WDR41: variants seen among roughly 807,000 people sequenced by gnomAD.
WDR41 encodes WD repeat-containing protein 41.
In WDR41, 63 loss-of-function variants were observed where a neutral mutation model predicts 69.3. That is an observed-to-expected ratio of 0.91 (90% confidence interval 0.74 to 1.12). WDR41 has a LOEUF of 1.12. WDR41 is among the 50% of genes most tolerant of loss of function. The probability of loss-of-function intolerance (pLI) is 0.00; values close to 1 mark genes in which losing one functional copy is unlikely to be tolerated. For synonymous variants in WDR41, 185 were observed against 192.1 expected (o/e 0.96, Z 0.31); for missense variants, 543 against 534.5 (o/e 1.02, Z -0.16).
intron 1 of WDR41, among the ~76,000 whole-genome samples, chr5:77,504,046 T>TA (rs1802066141): frequency 6.7e-6 from 1 of 148,736 alleles, no homozygotes; most frequent in African/African-American, 2.5e-5. Context: ...CTGAAGGAGA[T>TA]AGAGACACGA....
At chr5:77,570,142 A>G (rs545814176) in intron 1 of WDR41, among the ~76,000 whole-genome samples, 1 of 152,120 alleles carries the variant, frequency 6.6e-6, no homozygotes, top group African/African-American at 2.4e-5. Flanking sequence ...TCTCCAACAC[A>G]GCTATTTGAT....
chr5:77,491,114 T>C, intron 1 of WDR41: 1 of 376,450 alleles, frequency 2.7e-6, no homozygotes, highest in Non-Finnish European at 5.4e-6. Context: ...GAAGTGAAAA[T>C]GCCCTGCCCC....
At chr5:77,529,745 T>C (rs976933607) in intron 1 of WDR41, among the ~76,000 whole-genome samples, 21 of 151,450 alleles carry the variant, frequency 1.4e-4, no homozygotes, top group Admixed American at 1.4e-3. Context: ...TTATGAAAAA[T>C]AGCAGCTCAT....
intron 1 of WDR41, among the ~76,000 whole-genome samples, chr5:77,516,823 C>G (rs2112183157): frequency 6.6e-6 from 1 of 152,118 alleles, no homozygotes; most frequent in East Asian, 1.9e-4. Context: ...TTGAGACCAT[C>G]CTGATTAACA....
Position 77,512,355 on chromosome 5 carries a change from A to AGAGAGAGAGAGAGAGAGAGAGT in WDR41, c.43-22784_43-22783insACTCTCTCTCTCTCTCTCTCTC, listed in dbSNP as rs1335024335. On this transcript the variant is annotated intron_variant, in intron 1 of 5. Coordinates refer to the WDR41 transcript ENST00000509971. Reference sequence around the variant, plus strand: ...GTGAGAGAGAGAGAGAGAGAGAGTGAGTGTGTGTGTGTGTGTGTGTGTGTG... The same window carrying AGAGAGAGAGAGAGAGAGAGAGT: ...GTGAGAGAGAGAGAGAGAGAGAGTGAGAGAGAGAGAGAGAGAGAGAGTGTGTGTGTGTGTGTGTGTGTGTGTG... 7.9e-3 allele frequency among the ~76,000 whole-genome samples: 946 copies of AGAGAGAGAGAGAGAGAGAGAGT among 119,250 alleles called. 4 individuals are homozygous for AGAGAGAGAGAGAGAGAGAGAGT. Among genetic ancestry groups the AGAGAGAGAGAGAGAGAGAGAGT allele is most frequent in the Middle Eastern group, 0.033 (7 of 212 alleles). 78.2% of individuals were successfully genotyped at this position (119,250 alleles called of 152,430 possible).
At chr5:77,437,509 C>T in intron 10 of WDR41, 85 bp from the exon 11 acceptor site, 2 of 1,133,218 alleles carry the variant, frequency 1.8e-6, no homozygotes, top group Non-Finnish European at 2.7e-6. Flanking sequence ...ATCAGTGGAG[C>T]CCTCAACTGC....
At chr5:77,608,576 G>A (rs150343045) in intron 1 of WDR41, among the ~76,000 whole-genome samples, 60 of 152,328 alleles carry the variant, frequency 3.9e-4, no homozygotes, top group African/African-American at 1.4e-3. Flanking sequence ...TCATTAGATA[G>A]TGCATATACA....
At chr5:77,610,045 G>T (rs1203935378) in intron 1 of WDR41, among the ~76,000 whole-genome samples, 2 of 152,182 alleles carry the variant, frequency 1.3e-5, no homozygotes, top group East Asian at 1.9e-4. Context: ...TCAACTGGAA[G>T]AAAGGGTATC....
At chr5:77,541,432 T>C (rs1743086619) in intron 1 of WDR41, among the ~76,000 whole-genome samples, 1 of 151,484 alleles carries the variant, frequency 6.6e-6, no homozygotes, top group Non-Finnish European at 1.5e-5. Context: ...TAATGGCTAT[T>C]ATTAAAAAGT....
intron 1 of WDR41, among the ~76,000 whole-genome samples, chr5:77,606,726 C>T (rs1207755776): frequency 2.0e-5 from 3 of 151,830 alleles, no homozygotes; most frequent in African/African-American, 7.3e-5. Flanking sequence ...TCACTTGAGA[C>T]CAGGAGTTTG....
intron 2 of WDR41, among the ~76,000 whole-genome samples, chr5:77,469,340 A>G (rs144563406): frequency 1.2e-3 from 189 of 152,284 alleles, no homozygotes; most frequent in African/African-American, 4.4e-3. Flanking sequence ...ATGTATACAT[A>G]TGTAACAAAC....
intron 1 of WDR41, among the ~76,000 whole-genome samples, chr5:77,608,958 G>A (rs542152912): frequency 4.6e-4 from 70 of 152,334 alleles, no homozygotes; most frequent in East Asian, 9.6e-4. Flanking sequence ...CCCGAATACT[G>A]CGCTTTTCCG....
chr5:77,456,467 A>G (rs576295019), intron 5 of WDR41, among the ~76,000 whole-genome samples: 2 of 152,324 alleles, frequency 1.3e-5, no homozygotes, highest in African/African-American at 2.4e-5. Context: ...ACTAGCCTCA[A>G]TAGTTTGGTT....
At chr5:77,561,283 T>G (rs1371112476) in intron 1 of WDR41, among the ~76,000 whole-genome samples, 1 of 152,166 alleles carries the variant, frequency 6.6e-6, no homozygotes, top group African/African-American at 2.4e-5. Flanking sequence ...TTTTTGCATA[T>G]AAGTTTTTCA....
chr5:77,596,692 C>G lies in WDR41; in HGVS notation c.42+23787G>C, dbSNP rs1444036136. On this transcript the variant is annotated intron_variant, in intron 1 of 5. Transcript: ENST00000509971. The stretch of plus-strand genomic sequence containing the variant: ...ACTGCCAGCAGAAATACAACAACAA[C>G]TAGCACAGTTTTGTGCCATATGTAT... 2.0e-5 allele frequency among the ~76,000 whole-genome samples: 3 copies of G among 152,134 alleles called. No homozygotes were observed. In the East Asian group the frequency reaches 5.8e-4, roughly 29 times the overall value.
At chr5:77,453,071 T>G (rs1172744115) in intron 6 of WDR41, among the ~76,000 whole-genome samples, 1 of 152,198 alleles carries the variant, frequency 6.6e-6, no homozygotes, top group Non-Finnish European at 1.5e-5. Flanking sequence ...TTAGTTTTCC[T>G]AAGTCATTAT....
chr5:77,497,791 G>A (rs1801956822), intron 1 of WDR41, among the ~76,000 whole-genome samples: 1 of 152,096 alleles, frequency 6.6e-6, no homozygotes, highest in African/African-American at 2.4e-5. Flanking sequence ...AGATATTTGG[G>A]CCAATGTTGA....
At chr5:77,438,829 G>A (rs1267611641) in intron 9 of WDR41, among the ~76,000 whole-genome samples, 3 of 151,980 alleles carry the variant, frequency 2.0e-5, no homozygotes, top group Admixed American at 6.6e-5. Flanking sequence ...AAAAAAGCAC[G>A]GCTACAGTGG....
At chr5:77,499,627 T>TGCCATTACGA (rs1180238737) in intron 1 of WDR41, 3 of 151,734 alleles carry the variant, frequency 2.0e-5, no homozygotes, top group African/African-American at 7.3e-5. Flanking sequence ...GCACCAGAGG[T>TGCCATTACGA]GGAGCAATTA....
Sources: allele counts gnomAD v4.1 joint callset (sites outside exome capture counted in the v4.1 genomes callset), GRCh38; gene constraint gnomAD v4.1.1; transcripts MANE v1.5; gene names NCBI Gene and HGNC (gene_info 2026-07-23, HGNC 2026-07-21).